Variants in RTTN observed in about 807,000 individuals in gnomAD.
RTTN encodes rotatin.
RTTN carries 182 observed loss-of-function variants against 269.2 expected under a neutral mutation model. The observed-to-expected ratio is 0.68, with a 90% CI of 0.60 to 0.76. RTTN has a LOEUF of 0.76. Among genes scored for constraint, RTTN ranks in the 30% least tolerant of loss-of-function variants. The probability of loss-of-function intolerance (pLI) is 0.00; values close to 1 mark genes in which losing one functional copy is unlikely to be tolerated. For missense variants in RTTN, 2,545 were observed against 2,608.6 expected (o/e 0.98, Z 0.53); for synonymous variants, 1,006 against 963.5 (o/e 1.04, Z -0.82).
At chr18:70,141,348 C>T (rs573775671) in intron 19 of RTTN, among the ~76,000 whole-genome samples, 3 of 152,106 alleles carry the variant, frequency 2.0e-5, no homozygotes, top group Non-Finnish European at 4.4e-5. Flanking sequence ...GAACAAAAGC[C>T]TATGGAATAA....
chr18:70,025,496 T>G (rs1178047907), intron 43 of RTTN, among the ~76,000 whole-genome samples: 2 of 152,212 alleles, frequency 1.3e-5, no homozygotes, highest in East Asian at 3.8e-4. Context: ...CCCATGATTA[T>G]GCACGTGAGC....
At chr18:70,052,200 A>AT in intron 38 of RTTN, among the ~76,000 whole-genome samples, 2 of 152,028 alleles carry the variant, frequency 1.3e-5, no homozygotes, top group Middle Eastern at 6.8e-3. Context: ...CTTCAGGGGG[A>AT]TCTGTCATCT....
At chr18:70,142,188 T>A (rs922723588) in intron 19 of RTTN, 100 bp downstream of exon 19, 24 of 724,980 alleles carry the variant, frequency 3.3e-5, no homozygotes, top group Non-Finnish European at 1.4e-5. Flanking sequence ...AGGCTGGATC[T>A]GGCGCATAAA....
chr18:70,178,919 T>C (rs1009594552), intron 10 of RTTN, among the ~76,000 whole-genome samples: 1 of 152,100 alleles, frequency 6.6e-6, no homozygotes, highest in African/African-American at 2.4e-5. Flanking sequence ...GTTATTGATA[T>C]GGACTTATAA....
intron 34 of RTTN, among the ~76,000 whole-genome samples, chr18:70,067,288 T>C (rs1291884246): frequency 1.3e-5 from 2 of 151,762 alleles, no homozygotes; most frequent in East Asian, 1.9e-4. Context: ...GCCTCCCGAG[T>C]AGCTGGGACT....
chr18:70,006,354 G>A, intron 47 of RTTN, 27 bp downstream of exon 47: 1 of 1,528,358 alleles, frequency 6.5e-7, no homozygotes, highest in Non-Finnish European at 9.1e-7. Flanking sequence ...TTGCTCCCCA[G>A]GTGTAACAAT....
rs1268134782 is a variant in RTTN, at chr18:70,205,269, G to C, written c.78C>G (p.Leu26=). ...AGATTAAGTTGTGCTCAATCTTGCAGAGAATACTCTTGAGAGCGCGCTCCC... is the reference window on the plus strand; with the variant it reads ...AGATTAAGTTGTGCTCAATCTTGCACAGAATACTCTTGAGAGCGCGCTCCC... ...EIRERALKSI[L]CKIEHNLICY... Residue 26 remains leucine, a synonymous_variant, in exon 2 of 49, where the codon CTC becomes CTG. Transcript: ENST00000640769. The C allele has an allele frequency of 1.5e-5, 24 of 1,614,096 alleles. No homozygotes were observed. The highest frequency in any genetic ancestry group is 5.0e-5 in the Admixed American group (3 of 60,010).
chr18:70,101,836 C>T lies in RTTN; in HGVS notation c.3903+7662G>A, dbSNP rs544124985. ...TTTCTGCCTTCATTTCGTTACGTAC[C>T]CAGTAGTCATTCAGGAGCAGGTTGT... On this transcript the variant is annotated intron_variant, in intron 28 of 48. Transcript: ENST00000640769. Among the ~76,000 whole-genome samples the T allele has an allele frequency of 3.3e-5, 5 of 152,200 alleles. 1 individual carries two copies. Among genetic ancestry groups the T allele is most frequent in the Admixed American group, 3.3e-4 (5 of 15,292 alleles).
rs149737567 is a variant in RTTN, at chr18:70,154,970, T to C, written c.1930-4237A>G. On this transcript the variant is annotated intron_variant, in intron 14 of 48. Transcript: ENST00000640769. ...TCATTTCACACATTCAACATCTCAC[T>C]TTCAATCTCAAAGAAAATACAGACT... 6.8e-4 allele frequency among the ~76,000 whole-genome samples: 103 copies of C among 152,260 alleles called. 1 individual carries two copies. Among genetic ancestry groups the C allele is most frequent in the African/African-American group, 2.3e-3 (97 of 41,538 alleles).
intron 21 of RTTN, among the ~76,000 whole-genome samples, chr18:70,135,881 G>A (rs1484042378): frequency 1.3e-5 from 2 of 152,164 alleles, no homozygotes; most frequent in African/African-American, 2.4e-5. Flanking sequence ...GCCCTGGTGA[G>A]ATTCTTTAAC....
intron 25 of RTTN, among the ~76,000 whole-genome samples, chr18:70,124,345 G>C (rs2059811184): frequency 1.3e-5 from 2 of 151,968 alleles, no homozygotes; most frequent in South Asian, 4.1e-4. Context: ...CGATATGTGA[G>C]GGATATAAAA....
intron 5 of RTTN, among the ~76,000 whole-genome samples, chr18:70,198,546 C>CA (rs2061869646): frequency 6.6e-6 from 1 of 152,096 alleles, no homozygotes; most frequent in Non-Finnish European, 1.5e-5. Flanking sequence ...ATTTATACCC[C>CA]AAAAAAGCAG....
intron 46 of RTTN, among the ~76,000 whole-genome samples, chr18:70,011,040 A>G (rs751795127): frequency 3.3e-5 from 5 of 152,208 alleles, no homozygotes; most frequent in Non-Finnish European, 5.9e-5. Flanking sequence ...TAAACTAGGA[A>G]GAAGTCGAAT....
chr18:70,132,659 T>C (rs756406478), intron 23 of RTTN, among the ~76,000 whole-genome samples: 13 of 151,882 alleles, frequency 8.6e-5, no homozygotes, highest in South Asian at 6.2e-4. Flanking sequence ...CTTAGAAACA[T>C]TGATAGCTTT....
intron 3 of RTTN, among the ~76,000 whole-genome samples, chr18:70,202,258 T>A (rs1427363414): frequency 6.6e-6 from 1 of 152,216 alleles, no homozygotes; most frequent in Admixed American, 6.5e-5. Flanking sequence ...TGCTACAAAG[T>A]ATTCAAGGAC....
At chr18:70,086,759 T>TTGA in intron 31 of RTTN, 75 bp from the exon 32 acceptor site, 1 of 1,316,508 alleles carries the variant, frequency 7.6e-7, no homozygotes, top group Non-Finnish European at 1.0e-6. Context: ...CTTGTGGTCA[T>TTGA]CTCTGAAATA....
At chr18:70,202,526 TAAAG>T (rs2061978748) in intron 3 of RTTN, among the ~76,000 whole-genome samples, 2 of 152,218 alleles carry the variant, frequency 1.3e-5, no homozygotes, top group South Asian at 4.1e-4. Flanking sequence ...CTAACACTAA[TAAAG>T]AAAAATAACA....
chr18:70,119,432 G>A (rs2059681395), intron 26 of RTTN, among the ~76,000 whole-genome samples: 1 of 151,948 alleles, frequency 6.6e-6, no homozygotes, highest in South Asian at 2.1e-4. Flanking sequence ...AAGGAAAGGG[G>A]AGGGGAGGGA....
intron 25 of RTTN, among the ~76,000 whole-genome samples, chr18:70,126,319 AT>A (rs2059863940): frequency 6.6e-6 from 1 of 152,106 alleles, no homozygotes; most frequent in African/African-American, 2.4e-5. Flanking sequence ...AAATAGGGAC[AT>A]ATTACATTTA....
Sources: allele counts gnomAD v4.1 joint callset (sites outside exome capture counted in the v4.1 genomes callset), GRCh38; gene constraint gnomAD v4.1.1; transcripts MANE v1.5; gene names NCBI Gene and HGNC (gene_info 2026-07-23, HGNC 2026-07-21).